Variants in EXTL2 observed in about 807,000 individuals in gnomAD.
EXTL2 encodes the protein exostosin like glycosyltransferase 2.
A neutral mutation model predicts 30.7 loss-of-function variants in EXTL2; 23 were observed. The observed-to-expected ratio is 0.75, with a 90% confidence interval of 0.54 to 1.06. EXTL2 has a LOEUF of 1.06. Ranked by LOEUF, EXTL2 falls within the 50% of genes least tolerant of loss-of-function variation. EXTL2 has a pLI of 0.00. For synonymous variants in EXTL2, 123 were observed against 133.8 expected (o/e 0.92, Z 0.56); for missense variants, 352 against 396.3 (o/e 0.89, Z 0.95).
chr1:100,888,876 C>T lies in EXTL2; in HGVS notation c.-71-48G>A, dbSNP rs545047459. 1.1e-4 allele frequency: 74 copies of T among 677,868 alleles called. 2 individuals are homozygous for T. In the South Asian group the frequency reaches 2.4e-3, roughly 22 times the overall value. The allele number at this position is 677,868 out of a possible 1,614,324, so 42.0% of individuals were successfully genotyped here. On this transcript the variant is annotated intron_variant, in intron 1 of 4. Coordinates refer to ENST00000370114, the MANE Select transcript of EXTL2 (RefSeq NM_001033025.3). ...TTTCTGTGATGTTTCTGTCAGTCAGCAGGAAATTTAAAAACAAAACAAAAA... is the reference window on the plus strand; with the variant it reads ...TTTCTGTGATGTTTCTGTCAGTCAGTAGGAAATTTAAAAACAAAACAAAAA...
chr1:100,876,525 C>T (rs1649132049), intron 4 of EXTL2, among the ~76,000 whole-genome samples: 2 of 152,038 alleles, frequency 1.3e-5, no homozygotes, highest in African/African-American at 2.4e-5. Context: ...TGGACCACAT[C>T]ATTTCCCCAT....
In EXTL2 at chr1:100,874,022, C is replaced by CA; in HGVS notation, c.912dup (p.Asp305Ter). 1.2e-6 allele frequency: 2 copies of CA among 1,612,810 alleles called. No homozygotes were observed. Among genetic ancestry groups the CA allele is most frequent in the South Asian group, 2.2e-5 (2 of 90,954 alleles). On this transcript the variant is annotated frameshift_variant, in exon 5 of 5. Coordinates refer to ENST00000370114, the MANE Select transcript of EXTL2 (RefSeq NM_001033025.3). LOFTEE classifies it high-confidence loss of function. ...TTGGAGTATCTTAAGGGCATGCTAT[C>CA]ATAGATATTAACAAGCTTATTTATA...
In EXTL2 at chr1:100,876,862, C is replaced by G. The variant is rs1213646874; in HGVS notation, c.436G>C (p.Val146Leu). ...QVFPELETNAVLMVDDDTLIS... is the reference protein window; with the variant it reads ...QVFPELETNALLMVDDDTLIS... ...AGTGTGTCATCATCTACCATCAACA[C>G]TGCTAAAATGAAAGGACAAAAATTT... The change falls in exon 4 of 5, where the codon GTG (valine) becomes CTG (leucine). Residue 146 changes from valine to leucine, a missense_variant and splice_region_variant. Val to Leu is a conservative substitution (Grantham distance 32). Transcript: ENST00000370114. 1.2e-6 allele frequency: 2 copies of G among 1,609,634 alleles called. No individual in the cohort carries two copies. The highest frequency in any genetic ancestry group is 2.7e-5 in the African/African-American group (2 of 74,690).
At chr1:100,875,240 C>CAT (rs1052969745) in intron 4 of EXTL2, among the ~76,000 whole-genome samples, 13 of 150,576 alleles carry the variant, frequency 8.6e-5, no homozygotes, top group Non-Finnish European at 1.9e-4. Context: ...GACACACACA[C>CAT]ACACACACAC....
At chr1:100,888,034 C>G (rs892552487) in intron 2 of EXTL2, among the ~76,000 whole-genome samples, 1 of 152,220 alleles carries the variant, frequency 6.6e-6, no homozygotes, top group East Asian at 1.9e-4. Context: ...TGAATAGTCT[C>G]TATATCCAGC....
At chr1:100,891,440 T>C (rs191620744) in intron 1 of EXTL2, among the ~76,000 whole-genome samples, 392 of 152,354 alleles carry the variant, frequency 2.6e-3, no homozygotes, top group Middle Eastern at 0.014. Context: ...GTTTTAGTGT[T>C]ACTCAAATCA....
rs551773737 is a variant in EXTL2 at position 100,872,652 on chromosome 1, T to A, written c.*1290A>T. ...GATTATTTTAATATTCTCACAGCTT[T>A]GCAATTTTGAGAATATACTAGCATT... On this transcript the variant is annotated 3_prime_UTR_variant, in exon 5 of 5. Transcript: ENST00000370114. 1 of 152,566 alleles carries A rather than the reference T, an allele frequency of 6.6e-6. No homozygotes were observed. The highest frequency in any genetic ancestry group is 2.4e-5 in the African/African-American group (1 of 41,522). 9.5% of individuals were successfully genotyped at this position (152,566 alleles called of 1,614,324 possible).
chr1:100,891,258 G>A (rs192557710), intron 1 of EXTL2, among the ~76,000 whole-genome samples: 4 of 152,258 alleles, frequency 2.6e-5, no homozygotes, highest in Admixed American at 1.3e-4. Context: ...GCTTCTGGTT[G>A]TATAAAGGAT....
At chr1:100,892,599 T>C (rs909902652) in intron 1 of EXTL2, among the ~76,000 whole-genome samples, 32 of 152,188 alleles carry the variant, frequency 2.1e-4, no homozygotes, top group African/African-American at 7.7e-4. Flanking sequence ...CTCATTTTCA[T>C]ATACGCATCT....
Position 100,874,409 on chromosome 1 carries a change from C to T in EXTL2, c.526G>A (p.Gly176Arg), listed in dbSNP as rs1342695899. 10 of 1,588,088 alleles carry T rather than the reference C, an allele frequency of 6.3e-6. No homozygotes were observed. The highest frequency in any genetic ancestry group is 8.6e-6 in the Non-Finnish European group (10 of 1,166,514). Residue 176 changes from glycine (G) to arginine (R), a missense_variant, in exon 5 of 5, where the codon GGA (glycine) becomes AGA (arginine). By Grantham distance (125) the Gly-to-Arg change is moderately radical. Coordinates refer to ENST00000370114, the MANE Select transcript of EXTL2 (RefSeq NM_001033025.3). ...VWQQFPDQIV[G>R]FVPRKHVSTS... The stretch of plus-strand genomic sequence containing the variant: ...GAGACGTGCTTTCTAGGAACAAATC[C>T]TACAATTTGATCAGGAAATTGCTGA...
intron 2 of EXTL2, among the ~76,000 whole-genome samples, chr1:100,883,213 A>G (rs1414126829): frequency 1.3e-5 from 2 of 152,258 alleles, no homozygotes; most frequent in African/African-American, 4.8e-5. Flanking sequence ...GTTTTTTAGT[A>G]TCTTTAAGGA....
intron 2 of EXTL2, among the ~76,000 whole-genome samples, chr1:100,884,028 C>T (rs911309020): frequency 4.6e-5 from 7 of 152,116 alleles, no homozygotes; most frequent in East Asian, 1.9e-4. Flanking sequence ...GAAGAAACAC[C>T]GTTGAAGGAT....
chr1:100,876,960 G>T, intron 3 of EXTL2, 96 bp from the exon 4 acceptor site: 1 of 749,838 alleles, frequency 1.3e-6, no homozygotes, highest in Non-Finnish European at 2.3e-6. Flanking sequence ...TTCAAATGAA[G>T]TATTTTCTGA....
intron 3 of EXTL2, 52 bp from the exon 4 acceptor site, chr1:100,876,916 A>G: frequency 1.6e-6 from 2 of 1,236,792 alleles, no homozygotes; most frequent in South Asian, 2.4e-5. Flanking sequence ...ATGAAAACAA[A>G]AGTAGTAAAA....
rs577955733 is a variant in EXTL2 at position 100,872,976 on chromosome 1, T to A, written c.*966A>T. ...TTGGATCTTTTTTTAAAGTTGTGAA[T>A]GCAAGTGTTTGGCTTTGTAATACAA... On this transcript the variant is annotated 3_prime_UTR_variant, in exon 5 of 5. Coordinates refer to ENST00000370114, the MANE Select transcript of EXTL2 (RefSeq NM_001033025.3). 6.6e-6 allele frequency: 1 copy of A among 152,220 alleles called. No individual in the cohort carries two copies. The highest frequency in any genetic ancestry group is 6.5e-5 in the Admixed American group (1 of 15,278). The allele number at this position is 152,220 out of a possible 1,614,324, so 9.4% of individuals were successfully genotyped here. A position where few individuals can be genotyped will look rare whatever the true frequency, so the allele number is the denominator to read the frequency against.
At chr1:100,886,537 T>C (rs1244783775) in intron 2 of EXTL2, among the ~76,000 whole-genome samples, 1 of 152,228 alleles carries the variant, frequency 6.6e-6, no homozygotes, top group Non-Finnish European at 1.5e-5. Flanking sequence ...TTGCAAAAGC[T>C]GCTCATCAGT....
chr1:100,880,884 T>C, intron 2 of EXTL2: 3 of 851,704 alleles, frequency 3.5e-6, no homozygotes, highest in Non-Finnish European at 4.2e-6. Context: ...GCAGTTTTAA[T>C]CTAGAAAAAG....
intron 1 of EXTL2, among the ~76,000 whole-genome samples, chr1:100,891,850 G>T (rs1205830403): frequency 6.6e-6 from 1 of 152,168 alleles, no homozygotes; most frequent in Non-Finnish European, 1.5e-5. Flanking sequence ...TAGCTTTTGG[G>T]AAGGGCTATT....
chr1:100,876,957 G>T (rs1649170749), intron 3 of EXTL2, 93 bp from the exon 4 acceptor site: 2 of 773,690 alleles, frequency 2.6e-6, no homozygotes, highest in African/African-American at 1.7e-5. Context: ...TCATTCAAAT[G>T]AAGTATTTTC....
Sources: gnomAD v4.1 joint callset for allele counts (sites outside exome capture counted in the v4.1 genomes callset) on GRCh38, gnomAD v4.1.1 for gene constraint, MANE v1.5 for transcripts, NCBI Gene and HGNC (gene_info 2026-07-23, HGNC 2026-07-21) for gene names.